The following PKHD1 variants were observed in gnomAD, a reference collection of about 807,000 sequenced individuals.
PKHD1 encodes the protein fibrocystin.
Under a neutral mutation model 412.0 loss-of-function variants are expected in PKHD1, and 291 were observed. The ratio of observed to expected loss-of-function variants is 0.71; its 90% CI spans 0.64 to 0.78. The LOEUF (loss-of-function observed/expected upper bound fraction) is 0.78, where lower values mean the gene tolerates loss of function less well. Ranked by LOEUF, PKHD1 falls within the 30% of genes least tolerant of loss-of-function variation. The probability of loss-of-function intolerance (pLI) is 0.00; values close to 1 mark genes in which losing one functional copy is unlikely to be tolerated. For missense variants in PKHD1, 4,825 were observed against 4,950.7 expected, an observed-to-expected ratio of 0.97 and a Z score of 0.76; for synonymous variants, 1,777 against 1,821.5, an observed-to-expected ratio of 0.98 and a Z score of 0.62.
chr6:51,907,910 T>G (rs1263139830), intron 40 of PKHD1, among the ~76,000 whole-genome samples: 2 of 152,144 alleles, frequency 1.3e-5, no homozygotes, highest in African/African-American at 4.8e-5. Context: ...ATATAAAATA[T>G]CTATAAAAAT....
chr6:51,719,764 C>T (rs1341159533), intron 60 of PKHD1, among the ~76,000 whole-genome samples: 3 of 152,100 alleles, frequency 2.0e-5, no homozygotes, highest in Non-Finnish European at 2.9e-5. Context: ...ATAGCAAAAA[C>T]TTTATTATGC....
At chr6:51,990,847 C>T (rs1029016371) in intron 35 of PKHD1, among the ~76,000 whole-genome samples, 8 of 152,088 alleles carry the variant, frequency 5.3e-5, no homozygotes, top group African/African-American at 1.9e-4. Flanking sequence ...ACATTTCAAA[C>T]TCATAGCTCC....
intron 60 of PKHD1, among the ~76,000 whole-genome samples, chr6:51,714,705 C>T (rs992099496): frequency 7.2e-5 from 11 of 152,114 alleles, no homozygotes; most frequent in South Asian, 4.1e-4. Flanking sequence ...CAATATAGAA[C>T]GTTCCATCAC....
intron 65 of PKHD1, 44 bp downstream of exon 65, chr6:51,632,521 T>A (rs369460769): frequency 8.3e-4 from 1,294 of 1,553,238 alleles, no homozygotes; most frequent in Admixed American, 1.2e-3. Context: ...TGATGACTTT[T>A]TTTTCAGAAA....
chr6:51,734,112 T>G (rs989007167), intron 60 of PKHD1, among the ~76,000 whole-genome samples: 1 of 152,352 alleles, frequency 6.6e-6, no homozygotes, highest in East Asian at 1.9e-4. Context: ...ATGTGTAGTA[T>G]GAACAGGTAT....
chr6:51,982,178 A>G (rs1279955411), intron 35 of PKHD1, among the ~76,000 whole-genome samples: 6 of 42,920 alleles, frequency 1.4e-4, no homozygotes, highest in Middle Eastern at 5.3e-3. Flanking sequence ...CCCGTCCGGG[A>G]GGGAGGTGGG....
intron 36 of PKHD1, among the ~76,000 whole-genome samples, chr6:51,937,114 T>C (rs547814895): frequency 1.1e-4 from 16 of 152,312 alleles, no homozygotes; most frequent in Admixed American, 2.6e-4. Context: ...CAACCACTTA[T>C]CTTAACCCAG....
At chr6:51,872,415 G>GTT (rs34630629) in intron 46 of PKHD1, among the ~76,000 whole-genome samples, 1,963 of 148,966 alleles carry the variant, frequency 0.013, 31 homozygotes, top group African/African-American at 0.04. Context: ...TTGTTTTTTG[G>GTT]TTTTTTTTTT....
At chr6:51,953,317 A>C (rs1452270108) in intron 36 of PKHD1, among the ~76,000 whole-genome samples, 1 of 152,108 alleles carries the variant, frequency 6.6e-6, no homozygotes, top group East Asian at 1.9e-4. Flanking sequence ...TTATTGTTGA[A>C]TATCATATTT....
At chr6:52,038,510 C>CCT (rs1804308538) in intron 27 of PKHD1, among the ~76,000 whole-genome samples, 1 of 151,998 alleles carries the variant, frequency 6.6e-6, no homozygotes, top group African/African-American at 2.4e-5. Context: ...CCAAAGATTG[C>CCT]CTATAAGACA....
intron 43 of PKHD1, among the ~76,000 whole-genome samples, chr6:51,895,800 G>A (rs930606688): frequency 6.6e-6 from 1 of 152,080 alleles, no homozygotes; most frequent in Admixed American, 6.5e-5. Flanking sequence ...GCGCAGGTCA[G>A]TGGGTGCGCC....
chr6:51,660,228 A>C (rs979887869), intron 60 of PKHD1, among the ~76,000 whole-genome samples: 2 of 152,252 alleles, frequency 1.3e-5, no homozygotes, highest in Middle Eastern at 3.4e-3. Flanking sequence ...AACTGAGAAA[A>C]GGAGTTGAAG....
At chr6:52,020,704 A>G (rs1801273266) in intron 33 of PKHD1, among the ~76,000 whole-genome samples, 1 of 152,182 alleles carries the variant, frequency 6.6e-6, no homozygotes, top group African/African-American at 2.4e-5. Context: ...CAGAGGATGG[A>G]TTTCTCTGAA....
At chr6:51,737,555 C>G (rs1468661245) in intron 60 of PKHD1, among the ~76,000 whole-genome samples, 3 of 152,112 alleles carry the variant, frequency 2.0e-5, no homozygotes. Flanking sequence ...TGGTATTTGG[C>G]ACAGAGAGCT....
rs569295164 is a variant in PKHD1, at chr6:51,895,353, T to G, written c.6997-8108A>C. Among the ~76,000 whole-genome samples the G allele has an allele frequency of 1.6e-4, 25 of 152,328 alleles. No homozygotes were observed. In the South Asian group the frequency reaches 5.2e-3, roughly 32 times the overall value. ...CAGACAATAGAATGCAAAAAAAGACTGAATAACAGAAAGCCAATGGCACAA... is the reference window on the plus strand; with the variant it reads ...CAGACAATAGAATGCAAAAAAAGACGGAATAACAGAAAGCCAATGGCACAA... On this transcript the variant is annotated intron_variant, in intron 43 of 66. Transcript: ENST00000371117.
intron 61 of PKHD1, among the ~76,000 whole-genome samples, chr6:51,657,912 A>C (rs188757499): frequency 6.1e-4 from 93 of 152,264 alleles, no homozygotes; most frequent in Non-Finnish European, 9.9e-4. Context: ...AAATCTAAAT[A>C]AAATTAAGCA....
intron 52 of PKHD1, among the ~76,000 whole-genome samples, chr6:51,804,258 G>T (rs1430541534): frequency 6.8e-6 from 1 of 147,468 alleles, no homozygotes; most frequent in Non-Finnish European, 1.5e-5. Context: ...CAGATGAAGG[G>T]TCTCAGTAGT....
chr6:51,864,456 G>C (rs1774717200), intron 48 of PKHD1, among the ~76,000 whole-genome samples: 1 of 152,128 alleles, frequency 6.6e-6, no homozygotes, highest in Admixed American at 6.6e-5. Context: ...GGGAAGGAGA[G>C]TAGTAGAAAG....
At chr6:51,801,997 G>A (rs924598830) in intron 52 of PKHD1, among the ~76,000 whole-genome samples, 1 of 152,120 alleles carries the variant, frequency 6.6e-6, no homozygotes. Flanking sequence ...TATCAGATCA[G>A]TCCTCTGCAT....
Sources: gnomAD v4.1 joint callset for allele counts (sites outside exome capture counted in the v4.1 genomes callset) on GRCh38, gnomAD v4.1.1 for gene constraint, MANE v1.5 for transcripts, NCBI Gene and HGNC (gene_info 2026-07-23, HGNC 2026-07-21) for gene names.